PCDHGA11: variants seen among roughly 807,000 people sequenced by gnomAD.
PCDHGA11 encodes the protein protocadherin gamma-A11.
In PCDHGA11, 39 loss-of-function variants were observed where a neutral mutation model predicts 60.4. The ratio of observed to expected loss-of-function variants is 0.65; its 90% CI spans 0.50 to 0.84. The LOEUF (loss-of-function observed/expected upper bound fraction) is 0.84. Ranked by LOEUF, PCDHGA11 falls within the 40% of genes least tolerant of loss-of-function variation. The pLI is 0.00. For synonymous variants in PCDHGA11, 533 were observed against 510.3 expected (o/e 1.04, Z -0.60); for missense variants, 1,165 against 1,197.7 (o/e 0.97, Z 0.40).
Position 141,489,828 on chromosome 5 carries a change from A to G in PCDHGA11, c.2434-4979A>G. The G allele has an allele frequency of 1.9e-6, 3 of 1,614,010 alleles. No homozygotes were observed. The highest frequency in any genetic ancestry group is 1.1e-5 in the South Asian group (1 of 91,080). ...GGAAGCCATTCCCAGAGCTGGTGCTAGAGCAGCAGCTGGATCGTGAAGCCC... is the reference window on the plus strand; with the variant it reads ...GGAAGCCATTCCCAGAGCTGGTGCTGGAGCAGCAGCTGGATCGTGAAGCCC... On this transcript the variant is annotated intron_variant, in intron 1 of 3. Transcript: ENST00000398587. The surrounding 1 kb of genome is among the most constrained non-coding windows in gnomAD (Gnocchi z 4.5).
intron 1 of PCDHGA11, among the ~76,000 whole-genome samples, chr5:141,452,455 C>T (rs2098741536): frequency 6.6e-6 from 1 of 152,208 alleles, no homozygotes; most frequent in Non-Finnish European, 1.5e-5. Flanking sequence ...GCCTTGTCAG[C>T]AGACGGAGCT....
intron 1 of PCDHGA11, among the ~76,000 whole-genome samples, chr5:141,450,830 T>TTTA (rs1554136905): frequency 6.9e-5 from 7 of 101,548 alleles, no homozygotes; most frequent in East Asian, 2.6e-4. Flanking sequence ...ATTATTATTA[T>TTTA]TTTTTTTTTT....
chr5:141,476,587 G>A lies in PCDHGA11; in HGVS notation c.2434-18220G>A. ...CTCCGGGGACGCGCTTTCCGCTCGA[G>A]AGCGCGCACGATCCCGATGTGGGAA... On this transcript the variant is annotated intron_variant, in intron 1 of 3. Coordinates refer to ENST00000398587, the MANE Select transcript of PCDHGA11 (RefSeq NM_018914.3). The surrounding 1 kb of genome is among the most constrained non-coding windows in gnomAD (Gnocchi z 7.6). 6.2e-7 allele frequency: 1 copy of A among 1,614,234 alleles called. No homozygotes were observed. The highest frequency in any genetic ancestry group is 1.1e-5 in the South Asian group (1 of 91,086).
At position 141,485,731 on chromosome 5, in the gene PCDHGA11, C is replaced by G; in HGVS notation, c.2434-9076C>G. 6.2e-7 allele frequency: 1 copy of G among 1,614,152 alleles called. No homozygotes were observed. Among genetic ancestry groups the G allele is most frequent in the Non-Finnish European group, 8.5e-7 (1 of 1,180,022 alleles). ...TTGCACTGGATGTGAAGAAGCGCAG[C>G]GACGGCAGCCTGGTCCCAGAGCTGC... On this transcript the variant is annotated intron_variant, in intron 1 of 3. Transcript: ENST00000398587. The surrounding 1 kb of genome is among the most constrained non-coding windows in gnomAD (Gnocchi z 5.7).
chr5:141,453,791 A>G (rs979646024), intron 1 of PCDHGA11, among the ~76,000 whole-genome samples: 2 of 152,268 alleles, frequency 1.3e-5, no homozygotes, highest in African/African-American at 2.4e-5. Context: ...ATGGTATATT[A>G]ACTTTGAGTA....
At chr5:141,433,068 T>G (rs1296504554) in intron 1 of PCDHGA11, 1 of 1,613,900 alleles carries the variant, frequency 6.2e-7, no homozygotes, top group South Asian at 1.1e-5. Context: ...CACCTGATCT[T>G]CCCCCAGCCC....
intron 1 of PCDHGA11, chr5:141,478,450 AGCCAGTCCACTGGCCAGCC>A (rs1562070520): frequency 6.2e-7 from 1 of 1,613,572 alleles, no homozygotes. Context: ...AACCTGGTGC[AGCCAGTCCACTGGCCAGCC>A]GCCAGAACAC....
chr5:141,498,827 G>C (rs2099786072), intron 2 of PCDHGA11, among the ~76,000 whole-genome samples: 1 of 152,102 alleles, frequency 6.6e-6, no homozygotes, highest in Non-Finnish European at 1.5e-5. Context: ...CAGCTACTCA[G>C]GAGGCTGAGG....
intron 3 of PCDHGA11, among the ~76,000 whole-genome samples, chr5:141,506,444 C>CAA (rs1219684339): frequency 1.2e-3 from 116 of 94,976 alleles, no homozygotes; most frequent in African/African-American, 4.2e-3. Flanking sequence ...CGCTCTGTCT[C>CAA]AAAAAAAAAA....
intron 1 of PCDHGA11, among the ~76,000 whole-genome samples, chr5:141,457,632 G>A (rs919693977): frequency 6.6e-6 from 1 of 152,142 alleles, no homozygotes; most frequent in African/African-American, 2.4e-5. Flanking sequence ...CTTATACTTG[G>A]CCTGATTATT....
chr5:141,501,304 C>T (rs1005430489), intron 2 of PCDHGA11, among the ~76,000 whole-genome samples: 104 of 151,340 alleles, frequency 6.9e-4, no homozygotes, highest in African/African-American at 2.2e-3. Flanking sequence ...CACACACACA[C>T]ACACACACAC....
intron 3 of PCDHGA11, 120 bp downstream of exon 3, chr5:141,505,601 C>T (rs1171679451): frequency 6.4e-7 from 1 of 1,550,630 alleles, no homozygotes; most frequent in Non-Finnish European, 8.7e-7. Flanking sequence ...GATCTTTCGG[C>T]AGGTCTGAAA....
chr5:141,449,804 T>C (rs991937787), intron 1 of PCDHGA11, among the ~76,000 whole-genome samples: 2 of 151,676 alleles, frequency 1.3e-5, no homozygotes, highest in Non-Finnish European at 2.9e-5. Flanking sequence ...AAATACCTCA[T>C]TGTGTATTTC....
chr5:141,447,058 G>A (rs1356080567), intron 1 of PCDHGA11, among the ~76,000 whole-genome samples: 1 of 152,068 alleles, frequency 6.6e-6, no homozygotes, highest in Non-Finnish European at 1.5e-5. Flanking sequence ...ATTAAAATGT[G>A]TCAGGCTGTT....
At position 141,432,627 on chromosome 5, in the gene PCDHGA11, C is replaced by A. The variant is rs886117102; in HGVS notation, c.2433+8967C>A. 1 of 1,613,652 alleles carries A rather than the reference C, an allele frequency of 6.2e-7. No homozygotes were observed. The highest frequency in any genetic ancestry group is 8.5e-7 in the Non-Finnish European group (1 of 1,179,952). On this transcript the variant is annotated intron_variant, in intron 1 of 3. Transcript: ENST00000398587. This position sits in a 1 kb window ranked among gnomAD's most constrained non-coding sequence, Gnocchi z 6.0. ...GGACTCTTCTCGGTGGGTCTGCACA[C>A]GGGCGAGGTGCGCACGGCGCGAGCC...
intron 2 of PCDHGA11, among the ~76,000 whole-genome samples, chr5:141,500,793 A>G (rs1245472175): frequency 6.6e-6 from 1 of 152,210 alleles, no homozygotes; most frequent in Non-Finnish European, 1.5e-5. Context: ...ATTTTACAGA[A>G]TAAGTCCTCA....
At chr5:141,483,790 AGTT>A (rs963139644) in intron 1 of PCDHGA11, among the ~76,000 whole-genome samples, 14 of 152,290 alleles carry the variant, frequency 9.2e-5, no homozygotes, top group African/African-American at 3.4e-4. Flanking sequence ...TAAGAACTCC[AGTT>A]GTTGCTGCTT....
chr5:141,500,345 A>G (rs1459262760), intron 2 of PCDHGA11, among the ~76,000 whole-genome samples: 3 of 151,916 alleles, frequency 2.0e-5, no homozygotes, highest in Non-Finnish European at 4.4e-5. Context: ...AATAGCTGGG[A>G]CTACAGGCGC....
intron 1 of PCDHGA11, among the ~76,000 whole-genome samples, chr5:141,492,336 A>G (rs1353947767): frequency 1.3e-5 from 2 of 152,072 alleles, no homozygotes; most frequent in East Asian, 3.9e-4. Context: ...TTACGCGAAT[A>G]CCAGCTTTCA....
Sources: allele counts gnomAD v4.1 joint callset (sites outside exome capture counted in the v4.1 genomes callset), GRCh38; gene constraint gnomAD v4.1.1; non-coding constraint Gnocchi (gnomAD v3.1); transcripts MANE v1.5; gene names NCBI Gene and HGNC (gene_info 2026-07-23, HGNC 2026-07-21).